LPIN3: variants seen among roughly 807,000 people sequenced by gnomAD.
LPIN3 encodes the protein lipin 3.
Under a neutral mutation model 94.7 loss-of-function variants are expected in LPIN3, and 82 were observed. The ratio of observed to expected loss-of-function variants is 0.87; its 90% CI spans 0.72 to 1.04. The LOEUF is 1.04. Ranked by LOEUF, LPIN3 falls within the 50% of genes least tolerant of loss-of-function variation. The pLI, the probability that LPIN3 is intolerant of heterozygous loss-of-function variation, is 0.00. For missense variants in LPIN3, 996 were observed against 1,090.5 expected (o/e 0.91, Z 1.22); for synonymous variants, 418 against 443.3 (o/e 0.94, Z 0.72).
chr20:41,351,339 C>G (rs2046005052), intron 7 of LPIN3, among the ~76,000 whole-genome samples: 1 of 150,416 alleles, frequency 6.6e-6, no homozygotes, highest in Non-Finnish European at 1.5e-5. Context: ...CTCTGTCACC[C>G]AGGCTGGAGT....
intron 7 of LPIN3, among the ~76,000 whole-genome samples, chr20:41,351,333 G>A (rs1371001703): frequency 1.4e-5 from 2 of 141,840 alleles, no homozygotes; most frequent in Non-Finnish European, 3.0e-5. Context: ...GTCTCGCTCT[G>A]TCACCCAGGC....
chr20:41,349,289 G>A (rs1255787268), intron 5 of LPIN3, 117 bp downstream of exon 5: 2 of 832,338 alleles, frequency 2.4e-6, no homozygotes, highest in Non-Finnish European at 3.7e-6. Flanking sequence ...CTAGCCATTC[G>A]TATTTTTCCT....
chr20:41,358,867 AC>A lies in LPIN3; in HGVS notation c.*3del, dbSNP rs1259836085. The A allele has an allele frequency of 6.2e-7, 1 of 1,613,308 alleles. No individual in the cohort carries two copies. On this transcript the variant is annotated 3_prime_UTR_variant, in exon 20 of 20. Transcript: ENST00000373257. Reference sequence around the variant, plus strand: ...TGTGGACCTTGATACCCTGGACTGAACCTGCCCTGGCTGGCTCCTCCTCCCT... The same window carrying A: ...TGTGGACCTTGATACCCTGGACTGAACTGCCCTGGCTGGCTCCTCCTCCCT...
intron 11 of LPIN3, among the ~76,000 whole-genome samples, chr20:41,354,057 G>C (rs1274927869): frequency 6.6e-6 from 1 of 152,220 alleles, no homozygotes; most frequent in Non-Finnish European, 1.5e-5. Flanking sequence ...TAGGATGCTG[G>C]TGTGTCCCCC....
At chr20:41,349,725 A>G (rs1309592565) in intron 5 of LPIN3, 49 bp from the exon 6 acceptor site, 2 of 1,572,952 alleles carry the variant, frequency 1.3e-6, no homozygotes, top group South Asian at 2.3e-5. Flanking sequence ...GGTGGGCAGC[A>G]GCGGGGATGG....
At chr20:41,341,409 C>T (rs1415865311) in intron 1 of LPIN3, among the ~76,000 whole-genome samples, 2 of 152,142 alleles carry the variant, frequency 1.3e-5, no homozygotes, top group East Asian at 1.9e-4. Context: ...GCTGGGGTGG[C>T]GCTTTCTCTC....
intron 7 of LPIN3, 68 bp from the exon 8 acceptor site, chr20:41,351,753 G>A: frequency 7.0e-7 from 1 of 1,425,318 alleles, no homozygotes; most frequent in Non-Finnish European, 9.9e-7. Context: ...TTCAGAGTCA[G>A]AGGGCACTTA....
At position 41,348,624 on chromosome 20, in the gene LPIN3, T is replaced by C. The variant is rs751257276; in HGVS notation, c.294T>C (p.His98=). 3.1e-6 allele frequency: 5 copies of C among 1,606,584 alleles called. No homozygotes were observed. The South Asian group carries it at 4.4e-5, about 14-fold the overall frequency. The change falls in exon 4 of 20, where the codon CAT becomes CAC. Residue 98 remains histidine (H), a synonymous_variant. Transcript: ENST00000373257. ...FVQELESDDE[H]VPPGLCTSPI... Reference sequence around the variant, plus strand: ...GTTCTTGGTCTGTTCCACAGGAACATGTGCCTCCCGGCCTGTGCACCTCAC... The same window carrying C: ...GTTCTTGGTCTGTTCCACAGGAACACGTGCCTCCCGGCCTGTGCACCTCAC...
Position 41,347,569 on chromosome 20 carries a change from T to TG in LPIN3, c.214dup (p.Glu72GlyfsTer25). On this transcript the variant is annotated frameshift_variant, in exon 3 of 20. Coordinates refer to ENST00000373257, the MANE Select transcript of LPIN3 (RefSeq NM_022896.3). LOFTEE classifies it high-confidence loss of function. ...ATTTGCAGGTAGACATTGAGCTCAA[T>TG]GGGGAGCCTGTGGACTTGCACATGA... is the stretch of plus-strand genomic sequence containing the variant. 1 of 1,614,144 alleles carries TG rather than the reference T, an allele frequency of 6.2e-7. No individual in the cohort carries two copies. Among genetic ancestry groups the TG allele is most frequent in the South Asian group, 1.1e-5 (1 of 91,076 alleles).
In LPIN3 at chr20:41,347,658, C is replaced by T. The variant is rs767885054; in HGVS notation, c.288+11C>T. On this transcript the variant is annotated intron_variant, in intron 3 of 19. Transcript: ENST00000373257. ...CTGGAGAGCGATGATGTGAGTCTGC[C>T]CTCCTAACAGCACCTGCCCCGCCCA... The T allele has an allele frequency of 1.2e-6, 2 of 1,608,268 alleles. No individual in the cohort carries two copies. Among genetic ancestry groups the T allele is most frequent in the Non-Finnish European group, 1.7e-6 (2 of 1,176,140 alleles).
At position 41,350,239 on chromosome 20, in the gene LPIN3, C is replaced by T. The variant is rs971104418; in HGVS notation, c.944C>T (p.Thr315Ile). The change falls in exon 7 of 20, where the codon ACT (threonine) becomes ATT (isoleucine). Residue 315 changes from threonine to isoleucine, a missense_variant. By Grantham distance (89) the Thr-to-Ile change is moderately conservative. Transcript: ENST00000373257. ...CTTCAGCCTGACACAGAGGATCCCA[C>T]TCTAGTGGGTCCCCCTCTCCACACC... is the stretch of plus-strand genomic sequence containing the variant. ...ADLQPDTEDP[T>I]LVGPPLHTPE... is the part of the protein sequence containing the mutation. 3 of 1,613,688 alleles carry T rather than the reference C, an allele frequency of 1.9e-6. No homozygotes were observed. The highest frequency in any genetic ancestry group is 2.7e-5 in the African/African-American group (2 of 74,920).
intron 1 of LPIN3, among the ~76,000 whole-genome samples, chr20:41,341,484 T>G (rs2045576734): frequency 6.6e-6 from 1 of 152,040 alleles, no homozygotes; most frequent in South Asian, 2.1e-4. Flanking sequence ...GCCACACCCT[T>G]CATCCACCCA....
chr20:41,345,921 G>A lies in LPIN3; in HGVS notation c.118G>A (p.Asp40Asn). Residue 40 changes from aspartate (D) to asparagine (N), a missense_variant, in exon 2 of 20, where the codon GAC (aspartate) becomes AAC (asparagine). Physicochemically the swap from Asp to Asn is conservative, Grantham distance 23 (BLOSUM62 1). Transcript: ENST00000373257. ...TGACGTGCTGGTGGTGAAGCAGGTG[G>A]ACGGCTCGTTCCGGTGCTCACCCTT... ...GIDVLVVKQV[D>N]GSFRCSPFHV... 6.2e-7 allele frequency: 1 copy of A among 1,614,224 alleles called. No individual in the cohort carries two copies. Among genetic ancestry groups the A allele is most frequent in the Non-Finnish European group, 8.5e-7 (1 of 1,180,044 alleles).
At chr20:41,342,540 G>C (rs2045620905) in intron 1 of LPIN3, among the ~76,000 whole-genome samples, 1 of 152,168 alleles carries the variant, frequency 6.6e-6, no homozygotes, top group African/African-American at 2.4e-5. Flanking sequence ...GAGCCAAGCA[G>C]AGCTCTCCTC....
At chr20:41,345,423 C>T (rs2045733298) in intron 1 of LPIN3, among the ~76,000 whole-genome samples, 1 of 152,138 alleles carries the variant, frequency 6.6e-6, no homozygotes, top group South Asian at 2.1e-4. Flanking sequence ...CTCAGCCAGC[C>T]CCACAGGGTT....
intron 13 of LPIN3, 31 bp downstream of exon 13, chr20:41,354,894 G>T: frequency 6.5e-7 from 1 of 1,546,614 alleles, no homozygotes; most frequent in South Asian, 1.2e-5. Flanking sequence ...GGGCTCTGCA[G>T]GGGGAGCCTG....
In LPIN3 at chr20:41,348,920, T is replaced by C. The variant is rs758145833; in HGVS notation, c.557+33T>C. ...AGGACCAAGGGACTTGAACCCCAGTTTGGGGGTTCAAGTGCTGTTTCCTCT... is the reference window on the plus strand; with the variant it reads ...AGGACCAAGGGACTTGAACCCCAGTCTGGGGGTTCAAGTGCTGTTTCCTCT... On this transcript the variant is annotated intron_variant, in intron 4 of 19. Coordinates refer to ENST00000373257, the MANE Select transcript of LPIN3 (RefSeq NM_022896.3). 6 of 1,591,700 alleles carry C rather than the reference T, an allele frequency of 3.8e-6. No homozygotes were observed. In the South Asian group the frequency reaches 6.7e-5, roughly 18 times the overall value.
Position 41,357,040 on chromosome 20 carries a change from CG to C in LPIN3, c.1806del (p.Arg603AlafsTer2). 1 of 1,610,866 alleles carries C rather than the reference CG, an allele frequency of 6.2e-7. No individual in the cohort carries two copies. Among genetic ancestry groups the C allele is most frequent in the Admixed American group, 1.7e-5 (1 of 59,964 alleles). ...KSLRLSSDQI[R>X]RLNLQEGAND... is the part of the protein sequence containing the mutation. ...CACACCCCCCTTTGTCTGGCCTCAG[CG>C]GCGCCTGAACCTGCAAGAAGGTGCC... On this transcript the variant is annotated frameshift_variant and splice_region_variant, in exon 15 of 20. Coordinates refer to ENST00000373257, the MANE Select transcript of LPIN3 (RefSeq NM_022896.3). LOFTEE classifies it high-confidence loss of function.
chr20:41,355,761 C>A, intron 13 of LPIN3, 135 bp from the exon 14 acceptor site: 1 of 1,162,494 alleles, frequency 8.6e-7, no homozygotes, highest in Non-Finnish European at 1.2e-6. Context: ...ATGGGTTGCA[C>A]CTAGAGGGAG....
Sources: gnomAD v4.1 joint callset for allele counts (sites outside exome capture counted in the v4.1 genomes callset) on GRCh38, gnomAD v4.1.1 for gene constraint, MANE v1.5 for transcripts, NCBI Gene and HGNC (gene_info 2026-07-23, HGNC 2026-07-21) for gene names.